The following GLIS3 variants were observed in gnomAD, a reference collection of about 807,000 sequenced individuals.
GLIS3 encodes zinc finger protein GLIS3.
A neutral mutation model predicts 78.6 loss-of-function variants in GLIS3; 53 were observed. That is an observed-to-expected ratio of 0.67 (90% CI 0.54 to 0.85). The LOEUF is 0.85. Ranked by LOEUF, GLIS3 falls within the 40% of genes least tolerant of loss-of-function variation. The pLI is 0.00. For missense variants in GLIS3, 1,703 were observed against 1,231.1 expected (o/e 1.38, Z -5.74); for synonymous variants, 684 against 509.9 (o/e 1.34, Z -4.60).
chr9:3,856,008 C>A lies in GLIS3; in HGVS notation c.2473+1G>T. 3 of 1,614,100 alleles carry A rather than the reference C, an allele frequency of 1.9e-6. No homozygotes were observed. The highest frequency in any genetic ancestry group is 2.5e-6 in the Non-Finnish European group (3 of 1,179,978). On this transcript the variant is annotated splice_donor_variant, in intron 9 of 10. Coordinates refer to ENST00000381971, the MANE Select transcript of GLIS3 (RefSeq NM_001042413.2). LOFTEE classifies it high-confidence loss of function. ...CAAGGGACTGCCAGCTTCTTGCTTA[C>A]CATGGACATGGATACCATTTGGTTG...
chr9:4,069,311 T>C (rs1391325530), intron 4 of GLIS3, among the ~76,000 whole-genome samples: 1 of 152,208 alleles, frequency 6.6e-6, no homozygotes, highest in Non-Finnish European at 1.5e-5. Flanking sequence ...TTGGAAAGCC[T>C]GCCTGGCTGG....
intron 4 of GLIS3, among the ~76,000 whole-genome samples, chr9:3,991,362 G>C (rs556700310): frequency 6.6e-6 from 1 of 152,106 alleles, no homozygotes; most frequent in African/African-American, 2.4e-5. Context: ...CACAGCAGAT[G>C]TCACTGGGTA....
At chr9:4,324,056 ACT>A (rs1817571039) in intron 2 of GLIS3, among the ~76,000 whole-genome samples, 1 of 151,944 alleles carries the variant, frequency 6.6e-6, no homozygotes, top group Admixed American at 6.6e-5. Context: ...ACCTTCGTTA[ACT>A]CTTCTTTGAA....
chr9:4,432,913 G>A, the GLIS3 span, among the ~76,000 whole-genome samples: 1 of 152,012 alleles, frequency 6.6e-6, no homozygotes, highest in African/African-American at 2.4e-5. Flanking sequence ...CCCTCCCTGT[G>A]CTGGGATCAC....
chr9:4,270,080 T>C lies in GLIS3; in HGVS notation c.388+15958A>G, dbSNP rs553149375. ...CCACCCTGGCTCTAGACACCTCTTA[T>C]CAGCCATGTGATCCTGAACAATTTC... On this transcript the variant is annotated intron_variant, in intron 2 of 10. Coordinates refer to ENST00000381971, the MANE Select transcript of GLIS3 (RefSeq NM_001042413.2). 6.6e-4 allele frequency among the ~76,000 whole-genome samples: 101 copies of C among 152,330 alleles called. 1 individual carries two copies. The highest frequency in any genetic ancestry group is 2.0e-3 in the Admixed American group (30 of 15,298).
At chr9:3,901,637 G>A (rs1823312764) in intron 6 of GLIS3, among the ~76,000 whole-genome samples, 1 of 152,190 alleles carries the variant, frequency 6.6e-6, no homozygotes, top group Non-Finnish European at 1.5e-5. Flanking sequence ...ACAAATGCAT[G>A]TCCAGGTCTT....
the GLIS3 span, among the ~76,000 whole-genome samples, chr9:4,382,996 CT>C: frequency 6.6e-6 from 1 of 152,214 alleles, no homozygotes; most frequent in African/African-American, 2.4e-5. Flanking sequence ...ATCTTCCCAT[CT>C]GTCTATTTTC....
intron 8 of GLIS3, among the ~76,000 whole-genome samples, chr9:3,873,061 C>A (rs1328725905): frequency 2.6e-5 from 4 of 152,064 alleles, no homozygotes; most frequent in Non-Finnish European, 5.9e-5. Context: ...CCTGAACAGA[C>A]CAATAATGCA....
At chr9:3,872,291 C>A (rs757321155) in intron 8 of GLIS3, among the ~76,000 whole-genome samples, 1 of 152,228 alleles carries the variant, frequency 6.6e-6, no homozygotes, top group East Asian at 1.9e-4. Context: ...CCAAACTGTT[C>A]CAACCCCTGT....
chr9:4,465,558 T>A, the GLIS3 span, among the ~76,000 whole-genome samples: 1 of 151,754 alleles, frequency 6.6e-6, no homozygotes, highest in Non-Finnish European at 1.5e-5. Context: ...CAAAAAAATA[T>A]AAAAAAGAAA....
At chr9:4,401,742 C>T in the GLIS3 span, among the ~76,000 whole-genome samples, 1 of 151,196 alleles carries the variant, frequency 6.6e-6, no homozygotes, top group East Asian at 2.0e-4. Flanking sequence ...CAGGTGCATG[C>T]TACCATGCCC....
chr9:4,084,283 A>ACACACACACACACACACG (rs1564025046), intron 4 of GLIS3, among the ~76,000 whole-genome samples: 1 of 138,468 alleles, frequency 7.2e-6, no homozygotes, highest in Non-Finnish European at 1.6e-5. Context: ...ACACACACAC[A>ACACACACACACACACACG]CACACACACA....
chr9:4,167,413 G>A (rs1004492509), intron 2 of GLIS3, among the ~76,000 whole-genome samples: 3 of 152,150 alleles, frequency 2.0e-5, no homozygotes, highest in African/African-American at 7.2e-5. Flanking sequence ...CCACTACTAT[G>A]TGCCAGATTT....
At position 3,977,955 on chromosome 9, in the gene GLIS3, G is replaced by T. The variant is rs1046806022; in HGVS notation, c.1711-40766C>A. On this transcript the variant is annotated intron_variant, in intron 4 of 10. Transcript: ENST00000381971. The surrounding 1 kb of genome is among the most constrained non-coding windows in gnomAD (Gnocchi z 4.1). ...TGGTAATATTTCATGACAGCGAAAG[G>T]CCAGTTGACACCGCTGGGTGCACCC... Among the ~76,000 whole-genome samples the T allele has an allele frequency of 4.6e-5, 7 of 152,166 alleles. No individual in the cohort carries two copies. The highest frequency in any genetic ancestry group is 1.4e-4 in the African/African-American group (6 of 41,440).
intron 2 of GLIS3, among the ~76,000 whole-genome samples, chr9:4,222,407 C>A (rs963315654): frequency 1.3e-5 from 2 of 152,194 alleles, no homozygotes; most frequent in Non-Finnish European, 2.9e-5. Context: ...ATCTTAGGAC[C>A]TAGAAAATGG....
chr9:4,012,586 T>C (rs533254492), intron 4 of GLIS3, among the ~76,000 whole-genome samples: 1 of 152,222 alleles, frequency 6.6e-6, no homozygotes, highest in African/African-American at 2.4e-5. Context: ...CATGTTTCTG[T>C]TGGACTAGTG....
chr9:4,312,671 C>A (rs1471621035), intron 2 of GLIS3, among the ~76,000 whole-genome samples: 1 of 152,210 alleles, frequency 6.6e-6, no homozygotes, highest in Non-Finnish European at 1.5e-5. Flanking sequence ...TTACCTTAGG[C>A]CTTTTCTATC....
At chr9:4,477,607 T>C in the GLIS3 span, among the ~76,000 whole-genome samples, 5 of 152,080 alleles carry the variant, frequency 3.3e-5, no homozygotes, top group Admixed American at 2.6e-4. Context: ...AGAGATAAGG[T>C]CTCCCTATGT....
rs1459023594 is a variant in GLIS3 at position 4,049,807 on chromosome 9, C to T, written c.1710+67961G>A. ...GCAAAGGATATGAACAGACACTTCT[C>T]GAAAGAAGACATTTATGCAGCCAAC... On this transcript the variant is annotated intron_variant, in intron 4 of 10. Transcript: ENST00000381971. Among the ~76,000 whole-genome samples the T allele has an allele frequency of 7.9e-5, 12 of 152,210 alleles. No individual in the cohort carries two copies. The South Asian group carries it at 2.5e-3, about 32-fold the overall frequency.
Sources: gnomAD v4.1 joint callset for allele counts (sites outside exome capture counted in the v4.1 genomes callset) on GRCh38, gnomAD v4.1.1 for gene constraint, Gnocchi (gnomAD v3.1) non-coding constraint, MANE v1.5 for transcripts, NCBI Gene and HGNC (gene_info 2026-07-23, HGNC 2026-07-21) for gene names.